Variants in CERT1 observed in about 807,000 individuals in gnomAD.
CERT1 encodes ceramide transfer protein.
In CERT1, 31 loss-of-function variants were observed where a neutral mutation model predicts 87.9. That is an observed-to-expected ratio of 0.35 (90% CI 0.27 to 0.48). CERT1 has a LOEUF of 0.48. Ranked by LOEUF, CERT1 falls within the 20% of genes least tolerant of loss-of-function variation. The pLI is 0.99. For synonymous variants in CERT1, 289 were observed against 250.9 expected (o/e 1.15, Z -1.44); for missense variants, 487 against 758.0 (o/e 0.64, Z 4.20).
chr5:75,478,325 T>G (rs1399797505), intron 2 of CERT1, among the ~76,000 whole-genome samples: 1 of 145,120 alleles, frequency 6.9e-6, no homozygotes, highest in Admixed American at 6.8e-5. Context: ...AAAAAAAAAA[T>G]AAAAAAAAGA....
chr5:75,390,472 T>C (rs1345277163), intron 11 of CERT1, among the ~76,000 whole-genome samples: 1 of 152,084 alleles, frequency 6.6e-6, no homozygotes, highest in Non-Finnish European at 1.5e-5. Context: ...TTTAAATTTA[T>C]AACTTTTTCC....
intron 2 of CERT1, among the ~76,000 whole-genome samples, chr5:75,492,634 T>A (rs921059586): frequency 6.6e-6 from 1 of 152,228 alleles, no homozygotes; most frequent in Non-Finnish European, 1.5e-5. Flanking sequence ...TCTGATACAA[T>A]CACTATACTC....
intron 3 of CERT1, among the ~76,000 whole-genome samples, chr5:75,457,136 T>G (rs982341972): frequency 6.6e-5 from 10 of 152,196 alleles, no homozygotes; most frequent in Non-Finnish European, 1.0e-4. Flanking sequence ...CTGTTCTCCT[T>G]ATATGCACAT....
chr5:75,503,092 C>T (rs1250977601), intron 2 of CERT1, among the ~76,000 whole-genome samples: 1 of 151,978 alleles, frequency 6.6e-6, no homozygotes, highest in Non-Finnish European at 1.5e-5. Flanking sequence ...TTTATTATCA[C>T]ACAGATAAAG....
intron 2 of CERT1, among the ~76,000 whole-genome samples, chr5:75,487,817 C>T (rs146406311): frequency 1.3e-5 from 2 of 151,856 alleles, no homozygotes; most frequent in Admixed American, 1.3e-4. Flanking sequence ...TGTCCGACAA[C>T]AGATGAACGA....
At chr5:75,505,636 T>G (rs1235247763) in intron 2 of CERT1, 3 of 156,498 alleles carry the variant, frequency 1.9e-5, no homozygotes, top group Non-Finnish European at 4.2e-5. Flanking sequence ...AAGTTAAAAT[T>G]TTAGAATGTT....
At chr5:75,505,926 G>A in intron 2 of CERT1, 56 bp downstream of exon 2, 1 of 1,385,512 alleles carries the variant, frequency 7.2e-7, no homozygotes, top group Non-Finnish European at 1.0e-6. Context: ...AACAGTTCCT[G>A]GTATGTAGCT....
At chr5:75,383,211 G>T (rs954283351) in intron 14 of CERT1, among the ~76,000 whole-genome samples, 1 of 151,886 alleles carries the variant, frequency 6.6e-6, no homozygotes, top group Non-Finnish European at 1.5e-5. Flanking sequence ...AATGTAATGT[G>T]ATTTTCTTGA....
At chr5:75,430,486 C>G (rs2112204818) in intron 3 of CERT1, among the ~76,000 whole-genome samples, 1 of 152,088 alleles carries the variant, frequency 6.6e-6, no homozygotes, top group African/African-American at 2.4e-5. Context: ...TTAAAAAAGA[C>G]AAAACTAATC....
intron 5 of CERT1, among the ~76,000 whole-genome samples, chr5:75,423,948 C>T (rs1228218207): frequency 2.0e-5 from 3 of 151,986 alleles, no homozygotes; most frequent in African/African-American, 7.3e-5. Flanking sequence ...CCAGATCAAA[C>T]ACATTTAATA....
intron 2 of CERT1, among the ~76,000 whole-genome samples, chr5:75,494,750 G>A (rs544148864): frequency 6.6e-6 from 1 of 152,246 alleles, no homozygotes; most frequent in South Asian, 2.1e-4. Flanking sequence ...AACTCACTTA[G>A]CACTTGACCA....
chr5:75,412,272 A>T (rs562241766), intron 7 of CERT1, among the ~76,000 whole-genome samples: 5 of 152,284 alleles, frequency 3.3e-5, no homozygotes, highest in Admixed American at 3.3e-4. Context: ...CACTTTTGAA[A>T]GCGAAAGGGA....
rs528506549 is a variant in CERT1, at chr5:75,409,300, TATTACA to T, written c.930+1705_930+1710del. 2.1e-3 allele frequency among the ~76,000 whole-genome samples: 313 copies of T among 152,274 alleles called. No homozygotes were observed. In the East Asian group the frequency reaches 0.027, roughly 13 times the overall value. ...GGATAAATTGAGAATAATTTAAAAA[TATTACA>T]ATTTAAGTCTCATCAGAATGCACTC... On this transcript the variant is annotated intron_variant, in intron 8 of 16. Coordinates refer to ENST00000643780, the MANE Select transcript of CERT1 (RefSeq NM_001379029.1).
At chr5:75,467,802 T>C (rs1765535529) in intron 2 of CERT1, among the ~76,000 whole-genome samples, 1 of 152,152 alleles carries the variant, frequency 6.6e-6, no homozygotes, top group South Asian at 2.1e-4. Flanking sequence ...TGGTAAAATA[T>C]AAATTAAGGT....
intron 14 of CERT1, among the ~76,000 whole-genome samples, chr5:75,382,986 A>G (rs1176789954): frequency 6.6e-6 from 1 of 152,134 alleles, no homozygotes; most frequent in African/African-American, 2.4e-5. Flanking sequence ...AGAGACCAGT[A>G]GCCCTCTTTT....
intron 8 of CERT1, among the ~76,000 whole-genome samples, chr5:75,410,071 C>G (rs1056847037): frequency 6.6e-6 from 1 of 152,110 alleles, no homozygotes; most frequent in Admixed American, 6.6e-5. Context: ...TCTCAAAGTG[C>G]TGGGATTACA....
chr5:75,379,671 C>A (rs995547605), intron 16 of CERT1, among the ~76,000 whole-genome samples, 198 bp from the exon 17 acceptor site: 1 of 152,082 alleles, frequency 6.6e-6, no homozygotes, highest in Non-Finnish European at 1.5e-5. Context: ...CTGCAACTTC[C>A]GCCTCCGGGG....
chr5:75,405,698 GAGAA>G (rs1446358223), intron 8 of CERT1, among the ~76,000 whole-genome samples: 2 of 152,120 alleles, frequency 1.3e-5, no homozygotes, highest in African/African-American at 4.8e-5. Flanking sequence ...TATTTTGAGA[GAGAA>G]AGAGACTACA....
chr5:75,461,712 T>C lies in CERT1; in HGVS notation c.232-2531A>G, dbSNP rs75152156. 2.1e-3 allele frequency among the ~76,000 whole-genome samples: 316 copies of C among 152,218 alleles called. 1 individual carries two copies. In the East Asian group the frequency reaches 0.027, roughly 13 times the overall value. On this transcript the variant is annotated intron_variant, in intron 2 of 16. Coordinates refer to ENST00000643780, the MANE Select transcript of CERT1 (RefSeq NM_001379029.1). ...CTTCTTATGCAGACAAGGGAGCCAT[T>C]TCTACCATCTATGATCTGGAGCATA...
Sources: allele counts gnomAD v4.1 joint callset (sites outside exome capture counted in the v4.1 genomes callset), GRCh38; gene constraint gnomAD v4.1.1; transcripts MANE v1.5; gene names NCBI Gene and HGNC (gene_info 2026-07-23, HGNC 2026-07-21).